Variants in NTRK3 observed in about 807,000 individuals in gnomAD.
The protein encoded by NTRK3 is neurotrophic receptor tyrosine kinase 3, also known as NT-3 growth factor receptor.
Under a neutral mutation model 91.7 loss-of-function variants are expected in NTRK3, and 24 were observed. The ratio of observed to expected loss-of-function variants is 0.26; its 90% confidence interval spans 0.19 to 0.37. The LOEUF is 0.37. Among genes scored for constraint, NTRK3 ranks in the 10% least tolerant of loss-of-function variants. The pLI is 1.00. For missense variants in NTRK3, 880 were observed against 1,068.9 expected (o/e 0.82, Z 2.46); for synonymous variants, 483 against 404.0 (o/e 1.20, Z -2.34).
At position 88,136,688 on chromosome 15, in the gene NTRK3, T is replaced by C; in HGVS notation, c.623-79A>G. The C allele has an allele frequency of 2.0e-6, 3 of 1,532,664 alleles. No individual in the cohort carries two copies. The Admixed American group carries it at 5.8e-5, about 30-fold the overall frequency. The allele number at this position is 1,532,664 out of a possible 1,614,324, so 94.9% of individuals were successfully genotyped here. A position where few individuals can be genotyped will look rare whatever the true frequency, so the allele number is the denominator to read the frequency against. On this transcript the variant is annotated intron_variant, in intron 7 of 18. Transcript: ENST00000394480. ...GAAGCTCTGTCCATGGGGCTGATGG[T>C]GGCACTTCTTGCCTTGCCCAGTAAT...
intron 13 of NTRK3, among the ~76,000 whole-genome samples, chr15:88,096,850 A>G (rs1007999989): frequency 3.8e-4 from 58 of 152,244 alleles, no homozygotes; most frequent in African/African-American, 1.3e-3. Flanking sequence ...TCCCTTTCAT[A>G]TTGCCCGCTT....
chr15:87,907,578 A>T (rs1435695241), intron 17 of NTRK3, among the ~76,000 whole-genome samples: 1 of 152,086 alleles, frequency 6.6e-6, no homozygotes, highest in Non-Finnish European at 1.5e-5. Flanking sequence ...AACTGACTTA[A>T]CTACCGCACG....
chr15:87,929,076 G>A (rs2068567983), intron 17 of NTRK3, 115 bp downstream of exon 17: 1 of 1,492,248 alleles, frequency 6.7e-7, no homozygotes, highest in South Asian at 1.1e-5. Context: ...GCATGTCTGG[G>A]CATGGGTGTG....
chr15:88,026,032 A>T (rs2078007268), intron 14 of NTRK3, among the ~76,000 whole-genome samples: 1 of 152,052 alleles, frequency 6.6e-6, no homozygotes, highest in South Asian at 2.1e-4. Context: ...AGCACTTTGG[A>T]AGGCCGGGAC....
chr15:87,985,181 C>A (rs966614320), intron 14 of NTRK3, among the ~76,000 whole-genome samples: 2 of 152,178 alleles, frequency 1.3e-5, no homozygotes, highest in African/African-American at 2.4e-5. Flanking sequence ...GTAAGGGAAG[C>A]AAGCATGGTC....
intron 3 of NTRK3, among the ~76,000 whole-genome samples, chr15:88,192,202 G>T (rs972094853): frequency 4.6e-5 from 7 of 152,202 alleles, no homozygotes; most frequent in Non-Finnish European, 8.8e-5. Context: ...AAGATGCTGT[G>T]TCTCCTAACA....
At chr15:88,197,568 T>G (rs1192184441) in intron 3 of NTRK3, among the ~76,000 whole-genome samples, 1 of 152,200 alleles carries the variant, frequency 6.6e-6, no homozygotes, top group Admixed American at 6.5e-5. Context: ...TACAGACCCT[T>G]TGAGGACAGA....
At chr15:88,146,142 G>A (rs1003752431) in intron 6 of NTRK3, among the ~76,000 whole-genome samples, 1 of 152,214 alleles carries the variant, frequency 6.6e-6, no homozygotes, top group African/African-American at 2.4e-5. Flanking sequence ...TCAGAAATCA[G>A]TGTTAGTAGT....
chr15:87,936,853 C>T (rs924850976), intron 15 of NTRK3, among the ~76,000 whole-genome samples: 4 of 152,200 alleles, frequency 2.6e-5, no homozygotes, highest in African/African-American at 9.6e-5. Context: ...TATCTGTCTT[C>T]CTGGCTTAAA....
At chr15:88,162,945 GC>G (rs1424760296) in intron 5 of NTRK3, among the ~76,000 whole-genome samples, 4 of 152,116 alleles carry the variant, frequency 2.6e-5, no homozygotes, top group African/African-American at 7.2e-5. Context: ...CACTCTGTTT[GC>G]CCAGGTAACA....
chr15:88,075,622 T>C (rs934134581), intron 13 of NTRK3, among the ~76,000 whole-genome samples: 4 of 152,156 alleles, frequency 2.6e-5, no homozygotes, highest in East Asian at 1.9e-4. Context: ...GTTGTTGTTG[T>C]TGCTGTATTT....
In NTRK3 at chr15:88,066,327, G is replaced by C. The variant is rs1281950735; in HGVS notation, c.1397-33282C>G. On this transcript the variant is annotated intron_variant, in intron 13 of 18. Transcript: ENST00000394480. ...TCTCCCTTTCATCTGGGAAAGGAGA[G>C]TAAGATACTGAGATGGGATCACCAT... 3.3e-5 allele frequency among the ~76,000 whole-genome samples: 5 copies of C among 152,300 alleles called. No individual in the cohort carries two copies. In the South Asian group the frequency reaches 1.0e-3, roughly 32 times the overall value.
At chr15:88,191,578 AC>A (rs1567617720) in intron 3 of NTRK3, among the ~76,000 whole-genome samples, 1 of 152,146 alleles carries the variant, frequency 6.6e-6, no homozygotes, top group Non-Finnish European at 1.5e-5. Flanking sequence ...CCATTTCCTA[AC>A]AAGTCAGCAT....
chr15:87,966,075 CAAA>C (rs2072767170), intron 14 of NTRK3, among the ~76,000 whole-genome samples: 4 of 77,486 alleles, frequency 5.2e-5, no homozygotes, highest in Non-Finnish European at 1.1e-4. Flanking sequence ...AAAACTGTCT[CAAA>C]CAAACAAACA....
At chr15:87,945,492 T>C (rs1164868345) in intron 14 of NTRK3, among the ~76,000 whole-genome samples, 1 of 152,182 alleles carries the variant, frequency 6.6e-6, no homozygotes, top group Admixed American at 6.5e-5. Flanking sequence ...CTCTAATCCA[T>C]TGAGGTAACT....
At chr15:87,884,050 A>G (rs937064122) in intron 17 of NTRK3, among the ~76,000 whole-genome samples, 2 of 151,068 alleles carry the variant, frequency 1.3e-5, no homozygotes, top group Admixed American at 6.6e-5. Flanking sequence ...GAAATAAACA[A>G]TAAAATAAAA....
chr15:88,193,462 C>A (rs1011621150), intron 3 of NTRK3, among the ~76,000 whole-genome samples: 5 of 152,112 alleles, frequency 3.3e-5, no homozygotes, highest in South Asian at 2.1e-4. Flanking sequence ...GCCCTACACA[C>A]CAAACGAAGA....
chr15:87,982,643 G>A (rs1201201173), intron 14 of NTRK3, among the ~76,000 whole-genome samples: 9 of 152,182 alleles, frequency 5.9e-5, no homozygotes, highest in Non-Finnish European at 1.2e-4. Context: ...ATGGAGCTTA[G>A]GGGAGAAGGG....
intron 5 of NTRK3, among the ~76,000 whole-genome samples, chr15:88,164,801 C>A (rs537112443): frequency 2.4e-4 from 36 of 152,270 alleles, no homozygotes; most frequent in African/African-American, 8.2e-4. Context: ...TTAATTTATT[C>A]ACCAACAGTG....
Sources: gnomAD v4.1 joint callset for allele counts (sites outside exome capture counted in the v4.1 genomes callset) on GRCh38, gnomAD v4.1.1 for gene constraint, MANE v1.5 for transcripts, NCBI Gene and HGNC (gene_info 2026-07-23, HGNC 2026-07-21) for gene names.